The following TENM4 variants were observed in gnomAD, a reference collection of about 807,000 sequenced individuals.
TENM4 encodes teneurin transmembrane protein 4, also known as teneurin-4.
A neutral mutation model predicts 243.3 loss-of-function variants in TENM4; 82 were observed. The ratio of observed to expected loss-of-function variants is 0.34; its 90% CI spans 0.28 to 0.40. TENM4 has a LOEUF of 0.40. TENM4 is among the 10% of genes least tolerant of loss of function. The pLI, the probability that TENM4 is intolerant of heterozygous loss-of-function variation, is 1.00. For missense variants in TENM4, 3,138 were observed against 3,673.3 expected, an observed-to-expected ratio of 0.85 and a Z score of 3.77; for synonymous variants, 1,412 against 1,456.3, an observed-to-expected ratio of 0.97 and a Z score of 0.69.
chr11:78,981,133 T>C (rs1371712536), intron 6 of TENM4, among the ~76,000 whole-genome samples: 3 of 152,292 alleles, frequency 2.0e-5, no homozygotes, highest in Non-Finnish European at 4.4e-5. Context: ...TGATGATTTT[T>C]ATATCTCTAT....
At chr11:78,705,774 C>G (rs996882227) in intron 27 of TENM4, among the ~76,000 whole-genome samples, 5 of 152,188 alleles carry the variant, frequency 3.3e-5, no homozygotes, top group African/African-American at 1.2e-4. Context: ...CACCTCACTT[C>G]CTATTCCAGT....
intron 16 of TENM4, among the ~76,000 whole-genome samples, chr11:78,780,565 G>A (rs928605570): frequency 3.3e-5 from 5 of 151,978 alleles, no homozygotes; most frequent in African/African-American, 7.3e-5. Context: ...AGCTTCCACC[G>A]TGAGGGAGTT....
intron 7 of TENM4, among the ~76,000 whole-genome samples, chr11:78,897,103 C>G (rs375906571): frequency 2.6e-4 from 39 of 152,226 alleles, no homozygotes; most frequent in Admixed American, 7.2e-4. Flanking sequence ...CAGGTACTTG[C>G]CGGGCAGGGG....
rs138432067 is a variant in TENM4 at position 79,006,109 on chromosome 11, T to C, written c.493+58629A>G. ...AACATGGCCTACAGTAGCCAGGTGATGGGAAGCTATCCCTCTCCTGGGAGG... is the reference window on the plus strand; with the variant it reads ...AACATGGCCTACAGTAGCCAGGTGACGGGAAGCTATCCCTCTCCTGGGAGG... On this transcript the variant is annotated intron_variant, in intron 6 of 33. Coordinates refer to ENST00000278550, the MANE Select transcript of TENM4 (RefSeq NM_001098816.3). Among the ~76,000 whole-genome samples, 21 of 152,322 alleles carry C rather than the reference T, an allele frequency of 1.4e-4. No individual in the cohort carries two copies. The East Asian group carries it at 3.9e-3, about 28-fold the overall frequency.
At chr11:79,204,101 G>C (rs1938820) in intron 3 of TENM4, among the ~76,000 whole-genome samples, 2,150 of 136,496 alleles carry the variant, frequency 0.016, 63 homozygotes, top group African/African-American at 0.051. Flanking sequence ...GGTGGTGCAG[G>C]GGGTGGAGGC....
Position 79,381,110 on chromosome 11 carries a change from G to A in TENM4, c.-321+59399C>T, listed in dbSNP as rs142658104. 1.8e-3 allele frequency among the ~76,000 whole-genome samples: 272 copies of A among 152,166 alleles called. 1 individual carries two copies. The highest frequency in any genetic ancestry group is 5.6e-3 in the African/African-American group (232 of 41,506). On this transcript the variant is annotated intron_variant, in intron 1 of 33. Transcript: ENST00000278550. Reference sequence around the variant, plus strand: ...GCCCTGACTCTTGAGTGCATGATCCGTGCAGGTCAGATAGCCCTTCTGACC... The same window carrying A: ...GCCCTGACTCTTGAGTGCATGATCCATGCAGGTCAGATAGCCCTTCTGACC...
At chr11:79,250,787 C>T (rs569229093) in intron 2 of TENM4, among the ~76,000 whole-genome samples, 3 of 152,314 alleles carry the variant, frequency 2.0e-5, no homozygotes, top group African/African-American at 7.2e-5. Flanking sequence ...CAACAACTTG[C>T]TAGGCGAAGC....
At chr11:79,086,831 C>G (rs1306896828) in intron 4 of TENM4, among the ~76,000 whole-genome samples, 1 of 93,610 alleles carries the variant, frequency 1.1e-5, no homozygotes, top group Non-Finnish European at 2.0e-5. Context: ...AAGACTCTGT[C>G]TCGCAAAAAA....
rs1555019966 is a variant in TENM4, at chr11:79,163,806, T to TAC, written c.-162-15002_-162-15001dup. ...ATATATATATACACACACATATATA[T>TAC]ACACATATATATACATGTATGTGTA... On this transcript the variant is annotated intron_variant, in intron 3 of 33. Transcript: ENST00000278550. Among the ~76,000 whole-genome samples the TAC allele has an allele frequency of 5.6e-5, 8 of 143,500 alleles. No individual in the cohort carries two copies. In the South Asian group the frequency reaches 1.1e-3, roughly 19 times the overall value. 94.1% of individuals were successfully genotyped at this position (143,500 alleles called of 152,430 possible).
intron 30 of TENM4, among the ~76,000 whole-genome samples, chr11:78,674,820 T>C (rs1858423506): frequency 6.6e-6 from 1 of 151,982 alleles, no homozygotes; most frequent in South Asian, 2.1e-4. Flanking sequence ...AGTTGTGTGA[T>C]ATTGGATAAG....
intron 2 of TENM4, among the ~76,000 whole-genome samples, chr11:79,286,034 C>T (rs1040675850): frequency 1.3e-5 from 2 of 151,838 alleles, no homozygotes; most frequent in Non-Finnish European, 2.9e-5. Context: ...TTTTATAGCA[C>T]GTGAATTATA....
intron 20 of TENM4, among the ~76,000 whole-genome samples, chr11:78,736,465 T>TGC (rs1855795223): frequency 7.0e-6 from 1 of 143,570 alleles, no homozygotes; most frequent in African/African-American, 3.0e-5. Context: ...TGTGTGTGTG[T>TGC]GTGTGTGTGT....
chr11:79,422,546 A>G (rs1198388826), intron 1 of TENM4, among the ~76,000 whole-genome samples: 1 of 152,142 alleles, frequency 6.6e-6, no homozygotes, highest in East Asian at 1.9e-4. Flanking sequence ...CCTGCAGTCA[A>G]TGTTTGTCTG....
chr11:79,207,464 C>G (rs531359668), intron 3 of TENM4, among the ~76,000 whole-genome samples: 14 of 152,248 alleles, frequency 9.2e-5, no homozygotes, highest in African/African-American at 3.1e-4. Flanking sequence ...CACAGTGTGG[C>G]TAGGTAACTT....
At chr11:79,200,857 A>G (rs1413763606) in intron 3 of TENM4, among the ~76,000 whole-genome samples, 1 of 152,218 alleles carries the variant, frequency 6.6e-6, no homozygotes, top group Non-Finnish European at 1.5e-5. Flanking sequence ...CTGGGGCATT[A>G]CAAGTGACTC....
intron 1 of TENM4, among the ~76,000 whole-genome samples, chr11:79,378,924 A>G (rs1857946419): frequency 6.6e-6 from 1 of 151,612 alleles, no homozygotes; most frequent in African/African-American, 2.4e-5. Context: ...GAAAATGAGG[A>G]AAGTGTGGCT....
At chr11:78,672,953 G>C (rs2135683128) in intron 30 of TENM4, among the ~76,000 whole-genome samples, 1 of 152,114 alleles carries the variant, frequency 6.6e-6, no homozygotes, top group Middle Eastern at 3.4e-3. Flanking sequence ...AGGGCTTCTT[G>C]ATTGCCACAG....
At chr11:79,279,971 G>A (rs887963144) in intron 2 of TENM4, among the ~76,000 whole-genome samples, 1 of 152,052 alleles carries the variant, frequency 6.6e-6, no homozygotes, top group Non-Finnish European at 1.5e-5. Context: ...GCCCCCTTTT[G>A]TTGCCTCTTC....
At chr11:78,965,183 G>A (rs1857411506) in intron 6 of TENM4, among the ~76,000 whole-genome samples, 1 of 151,976 alleles carries the variant, frequency 6.6e-6, no homozygotes, top group Admixed American at 6.6e-5. Context: ...TTTGTAATTT[G>A]TCCACCCACC....
Sources: gnomAD v4.1 joint callset for allele counts (sites outside exome capture counted in the v4.1 genomes callset) on GRCh38, gnomAD v4.1.1 for gene constraint, MANE v1.5 for transcripts, NCBI Gene and HGNC (gene_info 2026-07-23, HGNC 2026-07-21) for gene names.